Variants in DMRT1 observed in about 807,000 individuals in gnomAD.
The protein encoded by DMRT1 is doublesex- and mab-3-related transcription factor 1.
DMRT1 carries 7 observed loss-of-function variants against 32.3 expected under a neutral mutation model. That is an observed-to-expected ratio of 0.22 (90% CI 0.12 to 0.41). DMRT1 has a LOEUF of 0.41. Among genes scored for constraint, DMRT1 ranks in the 10% least tolerant of loss-of-function variants. DMRT1 has a pLI of 1.00. For missense variants in DMRT1, 625 were observed against 500.5 expected (o/e 1.25, Z -2.37); for synonymous variants, 278 against 206.1 (o/e 1.35, Z -2.99).
chr9:874,957 G>T lies in DMRT1; in HGVS notation c.539-18955G>T, dbSNP rs2003197. On this transcript the variant is annotated intron_variant, in intron 2 of 4. Coordinates refer to ENST00000382276, the MANE Select transcript of DMRT1 (RefSeq NM_021951.3). ...TGAGTAGCTGGGACTACGGGTGCCC[G>T]CCACCACGCCCGGCAAATTTTTTGT... is the stretch of plus-strand genomic sequence containing the variant. 9.7e-3 allele frequency among the ~76,000 whole-genome samples: 1,475 copies of T among 151,504 alleles called. 25 individuals are homozygous for T. Among genetic ancestry groups the T allele is most frequent in the African/African-American group, 0.034 (1,399 of 41,318 alleles).
chr9:930,763 C>G (rs927935078), intron 4 of DMRT1, among the ~76,000 whole-genome samples: 75 of 135,320 alleles, frequency 5.5e-4, no homozygotes, highest in African/African-American at 2.5e-3. Context: ...AGGCTGGTCT[C>G]AAACTCTGGG....
At chr9:879,717 G>C (rs762565491) in intron 2 of DMRT1, among the ~76,000 whole-genome samples, 1 of 152,170 alleles carries the variant, frequency 6.6e-6, no homozygotes, top group Non-Finnish European at 1.5e-5. Flanking sequence ...ATCTGTCTCA[G>C]ACTTGGCTTC....
At chr9:899,023 G>C (rs1817474261) in intron 3 of DMRT1, among the ~76,000 whole-genome samples, 1 of 151,936 alleles carries the variant, frequency 6.6e-6, no homozygotes, top group Non-Finnish European at 1.5e-5. Flanking sequence ...TATTGTAAAT[G>C]GGATTGTTTT....
intron 3 of DMRT1, among the ~76,000 whole-genome samples, chr9:907,045 C>T (rs182342426): frequency 6.6e-5 from 10 of 152,162 alleles, no homozygotes; most frequent in Admixed American, 3.9e-4. Flanking sequence ...TTAATCTTAT[C>T]GTCAGTAACC....
At chr9:933,060 A>C (rs1818778645) in intron 4 of DMRT1, among the ~76,000 whole-genome samples, 1 of 151,900 alleles carries the variant, frequency 6.6e-6, no homozygotes, top group South Asian at 2.1e-4. Flanking sequence ...TTACAGGTGC[A>C]CACCACCATG....
chr9:843,365 C>A (rs1203251389), intron 1 of DMRT1, among the ~76,000 whole-genome samples: 1 of 152,364 alleles, frequency 6.6e-6, no homozygotes, highest in East Asian at 1.9e-4. Flanking sequence ...AGGCTGAGCG[C>A]CTCAGCCATT....
intron 4 of DMRT1, among the ~76,000 whole-genome samples, chr9:934,378 A>C (rs1266248780): frequency 6.6e-6 from 1 of 152,120 alleles, no homozygotes; most frequent in African/African-American, 2.4e-5. Context: ...ATATTTAAGA[A>C]ATCAGAGCTG....
intron 4 of DMRT1, among the ~76,000 whole-genome samples, chr9:937,741 A>G (rs923568090): frequency 2.0e-5 from 3 of 151,954 alleles, no homozygotes; most frequent in Admixed American, 6.5e-5. Flanking sequence ...TATGTTCTGG[A>G]TACAAATCCT....
chr9:893,746 T>C (rs1817240651), intron 2 of DMRT1, among the ~76,000 whole-genome samples, 166 bp from the exon 3 acceptor site: 1 of 152,242 alleles, frequency 6.6e-6, no homozygotes, highest in East Asian at 1.9e-4. Flanking sequence ...GAAGCGAACC[T>C]TAGAAACTCT....
chr9:858,177 G>A (rs1815486197), intron 2 of DMRT1, among the ~76,000 whole-genome samples: 1 of 152,172 alleles, frequency 6.6e-6, no homozygotes, highest in Non-Finnish European at 1.5e-5. Flanking sequence ...CCCGAGAGTT[G>A]GTGAAAATGG....
chr9:859,425 G>A (rs898208804), intron 2 of DMRT1, among the ~76,000 whole-genome samples: 1 of 152,136 alleles, frequency 6.6e-6, no homozygotes, highest in Non-Finnish European at 1.5e-5. Context: ...GTGGAGTAGG[G>A]GTGCCTGTGG....
At chr9:858,314 G>T (rs74464566) in intron 2 of DMRT1, among the ~76,000 whole-genome samples, 23 of 152,044 alleles carry the variant, frequency 1.5e-4, no homozygotes, top group Non-Finnish European at 3.1e-4. Context: ...GCTGCCTTAC[G>T]CTTGCTGCCA....
chr9:848,269 C>T (rs7873592), intron 2 of DMRT1, among the ~76,000 whole-genome samples: 106,343 of 152,014 alleles, frequency 0.7, 38,051 homozygotes, highest in Middle Eastern at 0.78. Context: ...CTCCCTGGGC[C>T]TTTTTTTCCT....
chr9:872,878 C>T (rs1816333976), intron 2 of DMRT1, among the ~76,000 whole-genome samples: 1 of 152,208 alleles, frequency 6.6e-6, no homozygotes, highest in Non-Finnish European at 1.5e-5. Context: ...CACCGTTTTA[C>T]ATTTCCAGCA....
At chr9:851,167 C>A (rs1839134274) in intron 2 of DMRT1, among the ~76,000 whole-genome samples, 1 of 152,050 alleles carries the variant, frequency 6.6e-6, no homozygotes, top group Non-Finnish European at 1.5e-5. Context: ...AAGTTGCTAA[C>A]TTTCTACTTT....
intron 4 of DMRT1, among the ~76,000 whole-genome samples, chr9:934,456 A>G (rs1818822038): frequency 6.6e-6 from 1 of 152,224 alleles, no homozygotes; most frequent in Non-Finnish European, 1.5e-5. Context: ...ACTTGAGCCC[A>G]GGAGTTTGAG....
intron 3 of DMRT1, among the ~76,000 whole-genome samples, chr9:901,888 A>AC (rs140137414): frequency 0.027 from 3,959 of 144,836 alleles, 169 homozygotes; most frequent in African/African-American, 0.089. Flanking sequence ...CATGGCCCAC[A>AC]CCATCAGCAA....
intron 3 of DMRT1, among the ~76,000 whole-genome samples, chr9:903,735 AAGAAAC>A (rs1397081163): frequency 6.6e-6 from 1 of 152,186 alleles, no homozygotes; most frequent in Non-Finnish European, 1.5e-5. Flanking sequence ...TAGATTCCAG[AAGAAAC>A]TAGAATTGGC....
intron 4 of DMRT1, among the ~76,000 whole-genome samples, chr9:955,962 CAA>C (rs997301532): frequency 6.6e-6 from 1 of 152,068 alleles, no homozygotes; most frequent in East Asian, 1.9e-4. Context: ...AGCAGGGTGT[CAA>C]AGAGATATTT....
Sources: gnomAD v4.1 joint callset for allele counts (sites outside exome capture counted in the v4.1 genomes callset) on GRCh38, gnomAD v4.1.1 for gene constraint, MANE v1.5 for transcripts, NCBI Gene and HGNC (gene_info 2026-07-23, HGNC 2026-07-21) for gene names.